The following NOTCH2NLR variants were observed in gnomAD, a reference collection of about 807,000 sequenced individuals.
The protein encoded by NOTCH2NLR is notch 2 N-terminal like R (pseudogene).
NOTCH2NLR carries 33 observed loss-of-function variants against 35.6 expected under a neutral mutation model. That is an observed-to-expected ratio of 0.93 (90% CI 0.70 to 1.24). NOTCH2NLR has a LOEUF of 1.24. Ranked by LOEUF, NOTCH2NLR falls within the 50% of genes most tolerant of loss-of-function variation. NOTCH2NLR has a pLI of 0.00. For synonymous variants in NOTCH2NLR, 103 were observed against 141.0 expected, an observed-to-expected ratio of 0.73 and a Z score of 1.91; for missense variants, 276 against 362.2, an observed-to-expected ratio of 0.76 and a Z score of 1.93.
chr1:120,724,033 G>A lies in NOTCH2NLR; in HGVS notation c.-145G>A. 9.6e-6 allele frequency: 12 copies of A among 1,250,374 alleles called. 1 individual carries two copies. In the South Asian group the frequency reaches 1.3e-4, roughly 14 times the overall value. The allele number at this position is 1,250,374 out of a possible 1,614,324, so 77.5% of individuals were successfully genotyped here. On this transcript the variant is annotated 5_prime_UTR_variant, in exon 1 of 5. Transcript: ENST00000624419. ...TCGAGGCATTTGCACCTGGGCTTCG[G>A]AGCGTAGCGCCAGGGCCTGAGCCTT...
intron 1 of NOTCH2NLR, among the ~76,000 whole-genome samples, chr1:120,752,519 A>AATATATATATATATATAT (rs1204399606): frequency 1.4e-4 from 2 of 14,664 alleles, no homozygotes; most frequent in Non-Finnish European, 1.0e-4. Flanking sequence ...GAAGTTCAGG[A>AATATATATATATATATAT]ATATATATAT....
At chr1:120,778,901 T>C (rs1205565320) in intron 2 of NOTCH2NLR, among the ~76,000 whole-genome samples, 2 of 102,620 alleles carry the variant, frequency 1.9e-5, no homozygotes. Context: ...TCCTGAACTG[T>C]AGCCATTGCC....
Position 120,790,141 on chromosome 1 carries a change from G to C in NOTCH2NLR, c.416-3020G>C, listed in dbSNP as rs1359636008. 1.4e-4 allele frequency among the ~76,000 whole-genome samples: 13 copies of C among 95,892 alleles called. 5 individuals carry two copies. The highest frequency in any genetic ancestry group is 2.9e-4 in the African/African-American group (4 of 13,742). The allele number at this position is 95,892 out of a possible 152,430, so 62.9% of individuals were successfully genotyped here. A position where few individuals can be genotyped will look rare whatever the true frequency, so the allele number is the denominator to read the frequency against. On this transcript the variant is annotated intron_variant, in intron 3 of 4. Transcript: ENST00000624419. The stretch of plus-strand genomic sequence containing the variant: ...CGCCATTCTTCTGCCTCAGCCTCCT[G>C]AGTAGCTGGGACTACAGGCACCTAC...
chr1:120,724,495 C>T (rs1351704673), intron 1 of NOTCH2NLR, among the ~76,000 whole-genome samples: 1 of 121,210 alleles, frequency 8.3e-6, no homozygotes, highest in Non-Finnish European at 1.6e-5. Flanking sequence ...CACGCCTCCT[C>T]GGCAGGAGGG....
intron 1 of NOTCH2NLR, among the ~76,000 whole-genome samples, chr1:120,757,957 TA>T (rs1651092611): frequency 1.6e-5 from 1 of 61,228 alleles, no homozygotes; most frequent in South Asian, 6.0e-4. Context: ...GTTACAAGGA[TA>T]GGGGGTGGTG....
At position 120,764,603 on chromosome 1, in the gene NOTCH2NLR, C is replaced by T. The variant is rs1447102535; in HGVS notation, c.155+894C>T. On this transcript the variant is annotated intron_variant, in intron 2 of 4. Coordinates refer to ENST00000624419, the Ensembl canonical transcript of NOTCH2NLR. Reference sequence around the variant, plus strand: ...CTTGGCTTAAGAGCATTTTTTTTTTCCTTTTTCTCCAACCATCTACTCTAG... The same window carrying T: ...CTTGGCTTAAGAGCATTTTTTTTTTTCTTTTTCTCCAACCATCTACTCTAG... 1.4e-4 allele frequency among the ~76,000 whole-genome samples: 15 copies of T among 110,502 alleles called. 2 individuals carry two copies. In the South Asian group the frequency reaches 1.7e-3, roughly 13 times the overall value. 72.5% of individuals were successfully genotyped at this position (110,502 alleles called of 152,430 possible). A position where few individuals can be genotyped will look rare whatever the true frequency, so the allele number is the denominator to read the frequency against.
At chr1:120,752,519 AAT>A (rs1204399606) in intron 1 of NOTCH2NLR, among the ~76,000 whole-genome samples, 69 of 14,662 alleles carry the variant, frequency 4.7e-3, no homozygotes, top group East Asian at 0.012. Context: ...GAAGTTCAGG[AAT>A]ATATATATAT....
In NOTCH2NLR at chr1:120,781,842, G is replaced by A. The variant is rs1489611549; in HGVS notation, c.156-3132G>A. On this transcript the variant is annotated intron_variant, in intron 2 of 4. Coordinates refer to ENST00000624419, the Ensembl canonical transcript of NOTCH2NLR. ...CAAAGTGCTGAGATTACTGGTGTGA[G>A]CCACCGCACCTGGCTTAGCTGTAAA... Among the ~76,000 whole-genome samples the A allele has an allele frequency of 9.3e-5, 11 of 117,650 alleles. No homozygotes were observed. The East Asian group carries it at 2.3e-3, about 24-fold the overall frequency. 77.2% of individuals were successfully genotyped at this position (117,650 alleles called of 152,430 possible).
At position 120,743,723 on chromosome 1, in the gene NOTCH2NLR, T is replaced by C. The variant is rs1453104637; in HGVS notation, c.73+19473T>C. On this transcript the variant is annotated intron_variant, in intron 1 of 4. Transcript: ENST00000624419. The stretch of plus-strand genomic sequence containing the variant: ...GGGACCTTGTTCATTTTTTGAGAAC[T>C]AATGTAGAGTTTGAAAAAACACCGT... Among the ~76,000 whole-genome samples, 100 of 113,672 alleles carry C rather than the reference T, an allele frequency of 8.8e-4. 14 individuals are homozygous for C. The East Asian group carries it at 0.023, about 26-fold the overall frequency. 74.6% of individuals were successfully genotyped at this position (113,672 alleles called of 152,430 possible).
Position 120,724,233 on chromosome 1 carries a change from G to A in NOTCH2NLR, c.56G>A (p.Trp19Ter). The change falls in exon 1 of 5, where the codon TGG (tryptophan) becomes TAG (stop). Residue 19 changes from tryptophan to a stop codon, truncating the protein, a stop_gained. Coordinates refer to ENST00000624419, the Ensembl canonical transcript of NOTCH2NLR. LOFTEE classifies it high-confidence loss of function. ...GCGCTGCTGGCGCTCTGGCTGTGCT[G>A]GGCGGCCCCCGCGCATGGTGAGTAT... 7.1e-7 allele frequency: 1 copy of A among 1,404,690 alleles called. No homozygotes were observed. 87.0% of individuals were successfully genotyped at this position (1,404,690 alleles called of 1,614,324 possible).
chr1:120,792,587 C>T lies in NOTCH2NLR; in HGVS notation c.416-574C>T, dbSNP rs1348587001. On this transcript the variant is annotated intron_variant, in intron 3 of 4. Transcript: ENST00000624419. ...TACAATCTCGGCTCACTGCAACCTC[C>T]GCCTCCTGGGTTCAAGTGATTCTTC... 1.0e-4 allele frequency among the ~76,000 whole-genome samples: 11 copies of T among 109,530 alleles called. 3 individuals carry two copies. Among genetic ancestry groups the T allele is most frequent in the Middle Eastern group, 4.1e-3 (1 of 246 alleles). The allele number at this position is 109,530 out of a possible 152,430, so 71.9% of individuals were successfully genotyped here. A position where few individuals can be genotyped will look rare whatever the true frequency, so the allele number is the denominator to read the frequency against.
At chr1:120,745,176 G>A (rs1192526075) in intron 1 of NOTCH2NLR, among the ~76,000 whole-genome samples, 3 of 106,546 alleles carry the variant, frequency 2.8e-5, no homozygotes, top group African/African-American at 1.7e-4. Flanking sequence ...CTGTCTAATT[G>A]CAAAGCCACA....
intron 1 of NOTCH2NLR, among the ~76,000 whole-genome samples, chr1:120,755,564 CTG>C (rs1170612030): frequency 3.2e-5 from 1 of 30,960 alleles, no homozygotes; most frequent in Non-Finnish European, 5.8e-5. Context: ...ACAGCAAACA[CTG>C]ATGATTTTTT....
chr1:120,792,506 ATT>A (rs1281049564), intron 3 of NOTCH2NLR, among the ~76,000 whole-genome samples: 3 of 101,452 alleles, frequency 3.0e-5, no homozygotes, highest in South Asian at 2.8e-4. Flanking sequence ...AGGGAAGTTG[ATT>A]TTTTTTTTTT....
chr1:120,750,760 C>G (rs1160703964), intron 1 of NOTCH2NLR, among the ~76,000 whole-genome samples: 1 of 112,730 alleles, frequency 8.9e-6, no homozygotes, highest in Non-Finnish European at 1.7e-5. Context: ...AATTTATAAA[C>G]TTGTTCTTCT....
At chr1:120,782,045 C>T (rs1202122556) in intron 2 of NOTCH2NLR, among the ~76,000 whole-genome samples, 1 of 100,472 alleles carries the variant, frequency 1.0e-5, no homozygotes, top group Non-Finnish European at 1.8e-5. Flanking sequence ...GGAAGGGAGG[C>T]AGAAAATTTT....
intron 1 of NOTCH2NLR, among the ~76,000 whole-genome samples, chr1:120,734,362 G>T (rs1650893011): frequency 1.7e-5 from 1 of 59,068 alleles, no homozygotes; most frequent in Non-Finnish European, 3.0e-5. Context: ...GGACATTTCT[G>T]ATCAACCAAG....
chr1:120,790,203 A>G lies in NOTCH2NLR; in HGVS notation c.416-2958A>G, dbSNP rs1651468926. Among the ~76,000 whole-genome samples, 2 of 103,114 alleles carry G rather than the reference A, an allele frequency of 1.9e-5. 1 individual carries two copies. The allele number at this position is 103,114 out of a possible 152,430, so 67.6% of individuals were successfully genotyped here. On this transcript the variant is annotated intron_variant, in intron 3 of 4. Coordinates refer to ENST00000624419, the Ensembl canonical transcript of NOTCH2NLR. ...GCTAATTTTTGTATTTTTAGTAGAG[A>G]TGGGCTTTCACCTTGTTAGCCAGAA...
At position 120,780,097 on chromosome 1, in the gene NOTCH2NLR, A is replaced by T. The variant is rs1408256023; in HGVS notation, c.156-4877A>T. 3.1e-4 allele frequency among the ~76,000 whole-genome samples: 39 copies of T among 124,922 alleles called. 2 individuals carry two copies. The South Asian group carries it at 7.6e-3, about 24-fold the overall frequency. 82.0% of individuals were successfully genotyped at this position (124,922 alleles called of 152,430 possible). ...TTGAGAGACTGACTTTATCCATCACATGAAATTTAGCCTGCTATGGAACCA... is the reference window on the plus strand; with the variant it reads ...TTGAGAGACTGACTTTATCCATCACTTGAAATTTAGCCTGCTATGGAACCA... On this transcript the variant is annotated intron_variant, in intron 2 of 4. Coordinates refer to ENST00000624419, the Ensembl canonical transcript of NOTCH2NLR.
Sources: gnomAD v4.1 joint callset for allele counts (sites outside exome capture counted in the v4.1 genomes callset) on GRCh38, gnomAD v4.1.1 for gene constraint, MANE v1.5 for transcripts, NCBI Gene and HGNC (gene_info 2026-07-23, HGNC 2026-07-21) for gene names.